CATSPERG: variants seen among roughly 807,000 people sequenced by gnomAD.
The protein encoded by CATSPERG is cation channel sperm-associated auxiliary subunit gamma.
A neutral mutation model predicts 145.0 loss-of-function variants in CATSPERG; 115 were observed. The observed-to-expected ratio is 0.79, with a 90% confidence interval of 0.68 to 0.93. CATSPERG has a LOEUF of 0.93. Ranked by LOEUF, CATSPERG falls within the 40% of genes least tolerant of loss-of-function variation. The pLI, the probability that CATSPERG is intolerant of heterozygous loss-of-function variation, is 0.00. For missense variants in CATSPERG, 1,296 were observed against 1,490.1 expected, an observed-to-expected ratio of 0.87 and a Z score of 2.14; for synonymous variants, 588 against 589.0, an observed-to-expected ratio of 1.00 and a Z score of 0.02.
chr19:38,370,185 ACTACCAGCTCAC>A lies in CATSPERG; in HGVS notation c.3143_3154del (p.Tyr1048_Thr1051del), dbSNP rs1200149291. 1 of 1,613,970 alleles carries A rather than the reference ACTACCAGCTCAC, an allele frequency of 6.2e-7. No individual in the cohort carries two copies. The highest frequency in any genetic ancestry group is 1.1e-5 in the South Asian group (1 of 91,078). On this transcript the variant is annotated inframe_deletion, in exon 28 of 29. Coordinates refer to ENST00000409235, the MANE Select transcript of CATSPERG (RefSeq NM_021185.5). ...GGAGTGGACACGAGCACCTACTGCA[ACTACCAGCTCAC>A]CTTCCTGCTGCACATCCACGGGCTG...
intron 6 of CATSPERG, among the ~76,000 whole-genome samples, chr19:38,344,856 G>GACACACACACACAC (rs34101460): frequency 4.3e-5 from 4 of 92,356 alleles, no homozygotes; most frequent in Admixed American, 2.9e-4. Flanking sequence ...TACATGAACA[G>GACACACACACACAC]ACACACACAC....
At chr19:38,356,686 C>T (rs189536411) in intron 10 of CATSPERG, 56 bp from the exon 11 acceptor site, 11 of 1,606,938 alleles carry the variant, frequency 6.8e-6, no homozygotes, top group Non-Finnish European at 9.4e-6. Flanking sequence ...ACAGCTGGCA[C>T]AGGACCAAGG....
chr19:38,349,871 G>A (rs957951963), intron 7 of CATSPERG, among the ~76,000 whole-genome samples: 1 of 151,844 alleles, frequency 6.6e-6, no homozygotes, highest in Non-Finnish European at 1.5e-5. Context: ...TGCCATGTTG[G>A]CCAGGCTGGT....
At chr19:38,348,230 C>G (rs1568374404) in intron 7 of CATSPERG, among the ~76,000 whole-genome samples, 1 of 152,082 alleles carries the variant, frequency 6.6e-6, no homozygotes. Context: ...GTGATCATAG[C>G]TCACTGCAGC....
At chr19:38,361,515 G>A in intron 16 of CATSPERG, 133 bp from the exon 17 acceptor site, 2 of 717,044 alleles carry the variant, frequency 2.8e-6, no homozygotes, top group Non-Finnish European at 2.3e-6. Flanking sequence ...GGGCAGCAGG[G>A]GCTGACGCTG....
intron 16 of CATSPERG, among the ~76,000 whole-genome samples, chr19:38,361,063 G>A (rs1294866486): frequency 6.6e-6 from 1 of 152,200 alleles, no homozygotes; most frequent in African/African-American, 2.4e-5. Flanking sequence ...TGTATGCACT[G>A]TGGCAAGAAG....
chr19:38,366,581 TG>T, intron 22 of CATSPERG: 1 of 148,450 alleles, frequency 6.7e-6, no homozygotes. Context: ...CTGCATGGGG[TG>T]GGGGGACATC....
rs1970372404 is a variant in CATSPERG, at chr19:38,362,728, C to G, written c.2371C>G (p.Leu791Val). Reference protein sequence around the residue: ...TQSELGTAFQLHSQVDVGVVL... With the variant: ...TQSELGTAFQVHSQVDVGVVL... Reference sequence around the variant, plus strand: ...GCCCGGAGCAGGCACCGCCTTCCAGCTGCATAGCCAGGTGGACGTGGGCGT... The same window carrying G: ...GCCCGGAGCAGGCACCGCCTTCCAGGTGCATAGCCAGGTGGACGTGGGCGT... The change falls in exon 20 of 29, where the codon CTG (leucine) becomes GTG (valine). Residue 791 changes from leucine (L) to valine (V), a missense_variant. Leu to Val is a conservative substitution (Grantham distance 32, BLOSUM62 1). Coordinates refer to ENST00000409235, the MANE Select transcript of CATSPERG (RefSeq NM_021185.5). 6.2e-7 allele frequency: 1 copy of G among 1,614,188 alleles called. No homozygotes were observed. Among genetic ancestry groups the G allele is most frequent in the Non-Finnish European group, 8.5e-7 (1 of 1,180,020 alleles).
rs114967522 is a variant in CATSPERG, at chr19:38,354,735, C to T, written c.1023C>T (p.Ser341=). ...GCAGTTGGATTCGTGTCCTGGCCAG[C>T]GAGTGCATCAAGAAGCTGTGCCCTG... The part of the protein sequence containing the change: ...GSGSWIRVLA[S]ECIKKLCPVY... Residue 341 remains serine, a synonymous_variant, in exon 9 of 29, where the codon AGC becomes AGT. Transcript: ENST00000409235. 1.1e-5 allele frequency: 17 copies of T among 1,614,116 alleles called. No homozygotes were observed. The highest frequency in any genetic ancestry group is 4.4e-5 in the South Asian group (4 of 91,080).
chr19:38,344,252 T>G, intron 5 of CATSPERG, 44 bp from the exon 6 acceptor site: 1 of 1,544,982 alleles, frequency 6.5e-7, no homozygotes, highest in Non-Finnish European at 8.8e-7. Context: ...GTGGAACCCC[T>G]GACACTGGGA....
At chr19:38,349,644 TTTTTTTTG>T (rs1200151633) in intron 7 of CATSPERG, 7 of 147,318 alleles carry the variant, frequency 4.8e-5, no homozygotes, top group South Asian at 2.1e-4. Context: ...TGCTCATTGT[TTTTTTTTG>T]TTTGTTTGTT....
chr19:38,345,907 C>CA (rs1568373346), intron 6 of CATSPERG, among the ~76,000 whole-genome samples: 1 of 152,200 alleles, frequency 6.6e-6, no homozygotes, highest in Non-Finnish European at 1.5e-5. Context: ...ATCATGGGGA[C>CA]ACAGCAGTGA....
At chr19:38,341,026 C>CA (rs1969929573) in intron 3 of CATSPERG, among the ~76,000 whole-genome samples, 1 of 152,084 alleles carries the variant, frequency 6.6e-6, no homozygotes, top group African/African-American at 2.4e-5. Context: ...AGGGAAGAGC[C>CA]AGCACGATGG....
chr19:38,345,581 C>T (rs947222000), intron 6 of CATSPERG, among the ~76,000 whole-genome samples: 4 of 151,238 alleles, frequency 2.6e-5, no homozygotes, highest in Admixed American at 6.6e-5. Flanking sequence ...CTCGGCTCAC[C>T]GCAACCTCTG....
At chr19:38,343,749 A>T in intron 4 of CATSPERG, 25 bp downstream of exon 4, 1 of 1,543,264 alleles carries the variant, frequency 6.5e-7, no homozygotes, top group Non-Finnish European at 8.7e-7. Context: ...GGCGGGAGGG[A>T]TCGCAACCTG....
intron 7 of CATSPERG, among the ~76,000 whole-genome samples, chr19:38,351,757 A>T (rs1005471154): frequency 6.6e-6 from 1 of 152,058 alleles, no homozygotes; most frequent in Non-Finnish European, 1.5e-5. Context: ...AATAAAAATT[A>T]AAAAATTAGC....
At chr19:38,342,600 GA>G (rs756886890) in intron 3 of CATSPERG, among the ~76,000 whole-genome samples, 6,354 of 105,268 alleles carry the variant, frequency 0.06, 200 homozygotes, top group East Asian at 0.16. Context: ...ACTCCTTCTT[GA>G]AAAAAAAAAA....
intron 1 of CATSPERG, chr19:38,336,588 C>A (rs1340350163): frequency 3.8e-6 from 1 of 262,062 alleles, no homozygotes; most frequent in Non-Finnish European, 7.6e-6. Context: ...AGTACCCAGC[C>A]CCTGGGCAGA....
intron 3 of CATSPERG, 85 bp from the exon 4 acceptor site, chr19:38,343,495 A>C (rs1969971828): frequency 8.0e-7 from 1 of 1,251,432 alleles, no homozygotes; most frequent in Non-Finnish European, 1.1e-6. Context: ...ACAGCCCAGG[A>C]GACAGACTGT....
Sources: allele counts gnomAD v4.1 joint callset (sites outside exome capture counted in the v4.1 genomes callset), GRCh38; gene constraint gnomAD v4.1.1; transcripts MANE v1.5; gene names NCBI Gene and HGNC (gene_info 2026-07-23, HGNC 2026-07-21).